The following OR52N4 variants were observed in gnomAD, a reference collection of about 807,000 sequenced individuals.
The protein encoded by OR52N4 is olfactory receptor family 52 subfamily N member 4.
In OR52N4, 15 loss-of-function variants were observed where a neutral mutation model predicts 15.0. The observed-to-expected ratio is 1.00, with a 90% CI of 0.67 to 1.54. The LOEUF (loss-of-function observed/expected upper bound fraction) is 1.54. Ranked by LOEUF, OR52N4 falls within the 40% of genes most tolerant of loss-of-function variation. OR52N4 has a pLI of 0.00. For synonymous variants in OR52N4, 143 were observed against 143.7 expected, an observed-to-expected ratio of 1.00 and a Z score of 0.03; for missense variants, 421 against 394.0, an observed-to-expected ratio of 1.07 and a Z score of -0.58.
chr11:5,736,264 G>T, the OR52N4 span: 1 of 471,188 alleles, frequency 2.1e-6, no homozygotes, highest in South Asian at 2.6e-5. Context: ...AACTTGAAAT[G>T]ATGTAGCTAT....
rs574734485 is a variant in OR52N4, at chr11:5,755,534, G to A, written c.794G>A (p.Arg265His). The A allele has an allele frequency of 2.9e-5, 47 of 1,613,534 alleles. 1 individual carries two copies. The highest frequency in any genetic ancestry group is 2.7e-4 in the South Asian group (25 of 91,074). The part of the protein sequence containing the change: ...TPAFFSFFSH[R>H]FGEHIIPPSC... ...GCTTTCTTCTCCTTCTTTTCCCACC[G>A]CTTTGGGGAACACATAATCCCCCCT... The change falls in exon 2 of 2, where the codon CGC (arginine) becomes CAC (histidine). Residue 265 changes from arginine (R) to histidine (H), a missense_variant. Arg to His is a conservative substitution (Grantham distance 29). Transcript: ENST00000641350.
the OR52N4 span, among the ~76,000 whole-genome samples, chr11:5,740,060 T>C: frequency 4.7e-5 from 6 of 128,000 alleles, 2 homozygotes; most frequent in Admixed American, 3.0e-4. Flanking sequence ...TCTTATCCTT[T>C]ACATTTCACA....
the OR52N4 span, among the ~76,000 whole-genome samples, chr11:5,733,862 CT>C: frequency 7.9e-5 from 12 of 152,228 alleles, no homozygotes; most frequent in African/African-American, 2.4e-4. Context: ...AATTTCTCAC[CT>C]TTATAGGTCC....
chr11:5,754,686 A>G lies in OR52N4; in HGVS notation c.-48-7A>G, dbSNP rs1854258866. The G allele has an allele frequency of 7.0e-7, 1 of 1,428,308 alleles. No individual in the cohort carries two copies. Among genetic ancestry groups the G allele is most frequent in the Non-Finnish European group, 9.3e-7 (1 of 1,070,600 alleles). The allele number at this position is 1,428,308 out of a possible 1,614,324, so 88.5% of individuals were successfully genotyped here. A position where few individuals can be genotyped will look rare whatever the true frequency, so the allele number is the denominator to read the frequency against. Reference sequence around the variant, plus strand: ...ATATTTTCTCTTGTTTTTTTTTTTAACTCTAGGAAAGCCCAGACAAATTTT... The same window carrying G: ...ATATTTTCTCTTGTTTTTTTTTTTAGCTCTAGGAAAGCCCAGACAAATTTT... On this transcript the variant is annotated splice_polypyrimidine_tract_variant and splice_region_variant and intron_variant, in intron 1 of 1. Coordinates refer to ENST00000641350, the MANE Select transcript of OR52N4 (RefSeq NM_001005175.5).
At chr11:5,732,482 A>C in the OR52N4 span, among the ~76,000 whole-genome samples, 1 of 152,172 alleles carries the variant, frequency 6.6e-6, no homozygotes, top group African/African-American at 2.4e-5. Flanking sequence ...ATATTACTTT[A>C]AACTATGTTT....
the OR52N4 span, among the ~76,000 whole-genome samples, chr11:5,746,800 T>C: frequency 6.6e-6 from 1 of 152,120 alleles, no homozygotes; most frequent in Non-Finnish European, 1.5e-5. Flanking sequence ...GCAATTGCAC[T>C]ACTCTGTATT....
the OR52N4 span, chr11:5,737,439 G>C: frequency 6.2e-7 from 1 of 1,613,864 alleles, no homozygotes; most frequent in Non-Finnish European, 8.5e-7. Flanking sequence ...AAAGAACTTA[G>C]GGCAGCCTTC....
chr11:5,730,281 T>C, the OR52N4 span, among the ~76,000 whole-genome samples: 1 of 147,086 alleles, frequency 6.8e-6, no homozygotes, highest in African/African-American at 2.5e-5. Context: ...CAGCTCTGCC[T>C]CCCGGGTTCA....
At chr11:5,749,130 A>G in the OR52N4 span, among the ~76,000 whole-genome samples, 1 of 63,606 alleles carries the variant, frequency 1.6e-5, no homozygotes, top group East Asian at 4.0e-4. Flanking sequence ...TATTAATTCT[A>G]GGATTGTGAA....
At chr11:5,742,516 A>G in the OR52N4 span, among the ~76,000 whole-genome samples, 1 of 152,202 alleles carries the variant, frequency 6.6e-6, no homozygotes, top group South Asian at 2.1e-4. Flanking sequence ...TCAGAGTAAC[A>G]AAGTACTCCT....
upstream of OR52N4, among the ~76,000 whole-genome samples, chr11:5,750,629 T>A (rs541260342): frequency 6.6e-6 from 1 of 151,834 alleles, no homozygotes; most frequent in Non-Finnish European, 1.5e-5. Context: ...TTTTGCTTAA[T>A]AATATATTGT....
the OR52N4 span, among the ~76,000 whole-genome samples, chr11:5,732,174 C>T: frequency 6.6e-6 from 1 of 152,146 alleles, no homozygotes; most frequent in Non-Finnish European, 1.5e-5. Flanking sequence ...CTTTGGTCAA[C>T]ATCTCCGCAT....
In OR52N4 at chr11:5,755,633, A is replaced by C; in HGVS notation, c.893A>C (p.Lys298Thr). The stretch of plus-strand genomic sequence containing the variant: ...ATGAACCCTATTGTCTATGGGGTGA[A>C]AACCAAACAGATACGAGACTGTGTC... Reference protein sequence around the residue: ...PTMNPIVYGVKTKQIRDCVIR... With the variant: ...PTMNPIVYGVTTKQIRDCVIR... Residue 298 changes from lysine (K) to threonine (T), a missense_variant, in exon 2 of 2, where the codon AAA becomes ACA. Coordinates refer to ENST00000641350, the MANE Select transcript of OR52N4 (RefSeq NM_001005175.5). The C allele has an allele frequency of 6.2e-7, 1 of 1,613,804 alleles. No individual in the cohort carries two copies. The highest frequency in any genetic ancestry group is 8.5e-7 in the Non-Finnish European group (1 of 1,179,798).
chr11:5,749,826 A>G (rs1854152823), upstream of OR52N4, among the ~76,000 whole-genome samples: 1 of 151,994 alleles, frequency 6.6e-6, no homozygotes, highest in African/African-American at 2.4e-5. Flanking sequence ...AGAAGATAAC[A>G]TGTATCAATA....
chr11:5,734,366 TA>T, the OR52N4 span: 1 of 335,306 alleles, frequency 3.0e-6, no homozygotes, highest in Non-Finnish European at 5.9e-6. Flanking sequence ...TAGTAGCATA[TA>T]GAGGATTAGA....
the OR52N4 span, among the ~76,000 whole-genome samples, chr11:5,748,565 A>G: frequency 6.6e-6 from 1 of 151,870 alleles, no homozygotes; most frequent in Non-Finnish European, 1.5e-5. Flanking sequence ...AAAAAGTAAA[A>G]ATTTTATTAA....
the OR52N4 span, among the ~76,000 whole-genome samples, chr11:5,740,435 T>C: frequency 7.8e-5 from 10 of 127,522 alleles, 2 homozygotes; most frequent in African/African-American, 2.3e-4. Flanking sequence ...TGAAGTGTGA[T>C]AGATTGCAAA....
the OR52N4 span, among the ~76,000 whole-genome samples, chr11:5,732,675 C>T: frequency 6.6e-6 from 1 of 152,188 alleles, no homozygotes; most frequent in Non-Finnish European, 1.5e-5. Context: ...TCACTATCCT[C>T]ACTTGCTAAA....
the OR52N4 span, chr11:5,736,750 A>G: frequency 2.5e-6 from 4 of 1,614,016 alleles, no homozygotes; most frequent in Non-Finnish European, 3.4e-6. Flanking sequence ...TCTGTATGGT[A>G]GACATGGGTC....
Sources: gnomAD v4.1 joint callset for allele counts (sites outside exome capture counted in the v4.1 genomes callset) on GRCh38, gnomAD v4.1.1 for gene constraint, MANE v1.5 for transcripts, NCBI Gene and HGNC (gene_info 2026-07-23, HGNC 2026-07-21) for gene names.